NBEAL1: variants seen among roughly 807,000 people sequenced by gnomAD.
NBEAL1 encodes neurobeachin-like protein 1.
NBEAL1 carries 273 observed loss-of-function variants against 351.3 expected under a neutral mutation model. The observed-to-expected ratio is 0.78, with a 90% CI of 0.70 to 0.86. The LOEUF is 0.86. Ranked by LOEUF, NBEAL1 falls within the 40% of genes least tolerant of loss-of-function variation. The pLI, the probability that NBEAL1 is intolerant of heterozygous loss-of-function variation, is 0.00. For synonymous variants in NBEAL1, 1,050 were observed against 1,086.4 expected (o/e 0.97, Z 0.66); for missense variants, 2,961 against 3,201.3 (o/e 0.92, Z 1.81).
rs763442033 is a variant in NBEAL1, at chr2:203,056,498, A to G, written c.377A>G (p.Tyr126Cys). Reference sequence around the variant, plus strand: ...TATGTCATCACCATGACAACACTCTATATTCAGCAAGTAGGTGTGAACTAA... The same window carrying G: ...TATGTCATCACCATGACAACACTCTGTATTCAGCAAGTAGGTGTGAACTAA... ...INYVITMTTL[Y>C]IQQLKSKKKE... The change falls in exon 5 of 56, where the codon TAT (tyrosine) becomes TGT (cysteine). Residue 126 changes from tyrosine (Y) to cysteine (C), a missense_variant. Tyr to Cys is a radical substitution (Grantham distance 194). Coordinates refer to ENST00000683969, the MANE Select transcript of NBEAL1 (RefSeq NM_001378026.1). 2 of 1,531,008 alleles carry G rather than the reference A, an allele frequency of 1.3e-6. No individual in the cohort carries two copies. The highest frequency in any genetic ancestry group is 2.7e-5 in the African/African-American group (2 of 73,106). The allele number at this position is 1,531,008 out of a possible 1,614,324, so 94.8% of individuals were successfully genotyped here. A position where few individuals can be genotyped will look rare whatever the true frequency, so the allele number is the denominator to read the frequency against.
Position 203,125,973 on chromosome 2 carries a change from G to A in NBEAL1, c.2865G>A (p.Glu955=), listed in dbSNP as rs748649910. The part of the protein sequence containing the change: ...TSTKASESRL[E]RNLVATFILI... ...CTGATTCTACAGAGTCAAGACTAGA[G>A]AGAAACCTAGTTGCAACATTTATCT... Residue 955 remains glutamate, a synonymous_variant, in exon 21 of 56, where the codon GAG becomes GAA. Coordinates refer to ENST00000683969, the MANE Select transcript of NBEAL1 (RefSeq NM_001378026.1). 1 of 1,534,412 alleles carries A rather than the reference G, an allele frequency of 6.5e-7. No homozygotes were observed. The highest frequency in any genetic ancestry group is 2.5e-5 in the East Asian group (1 of 40,238).
At chr2:203,126,986 G>C (rs200276941) in intron 23 of NBEAL1, 60 bp downstream of exon 23, 24 of 1,171,664 alleles carry the variant, frequency 2.0e-5, no homozygotes, top group Non-Finnish European at 2.7e-5. Context: ...TACTTGATTG[G>C]AATGTGTAGA....
At chr2:203,174,781 C>G (rs2064441277) in intron 41 of NBEAL1, among the ~76,000 whole-genome samples, 1 of 151,492 alleles carries the variant, frequency 6.6e-6, no homozygotes, top group Non-Finnish European at 1.5e-5. Context: ...GTCCCAGCTA[C>G]TTGGGAGGCT....
intron 14 of NBEAL1, among the ~76,000 whole-genome samples, chr2:203,108,565 AT>A (rs1204619194): frequency 3.3e-5 from 5 of 151,306 alleles, no homozygotes; most frequent in African/African-American, 9.7e-5. Context: ...CGCCCAGCTA[AT>A]TTTTTGTATT....
At chr2:203,209,713 A>ATGTGTGTGTGTGTGTGTGTGTGTG (rs56169732) in intron 53 of NBEAL1, among the ~76,000 whole-genome samples, 31 of 138,682 alleles carry the variant, frequency 2.2e-4, no homozygotes, top group African/African-American at 8.0e-4. Flanking sequence ...TTTAATTAAT[A>ATGTGTGTGTGTGTGTGTGTGTGTG]TGTGTGTGTG....
chr2:203,119,836 G>A (rs969651912), intron 18 of NBEAL1, among the ~76,000 whole-genome samples: 3 of 152,110 alleles, frequency 2.0e-5, no homozygotes, highest in African/African-American at 2.4e-5. Context: ...AGCTATTTGA[G>A]CATAGAACAT....
intron 2 of NBEAL1, among the ~76,000 whole-genome samples, chr2:203,017,314 A>G (rs947243875): frequency 2.0e-5 from 3 of 152,160 alleles, no homozygotes; most frequent in African/African-American, 7.2e-5. Context: ...TTATCCTTTC[A>G]TGCTCCTTAA....
intron 2 of NBEAL1, among the ~76,000 whole-genome samples, 175 bp from the exon 3 acceptor site, chr2:203,041,590 G>A (rs2061141996): frequency 6.6e-6 from 1 of 152,148 alleles, no homozygotes; most frequent in Admixed American, 6.5e-5. Context: ...GACATGAGAA[G>A]CCATTTGAGA....
rs528640653 is a variant in NBEAL1, at chr2:203,145,524, G to A, written c.5304+364G>A. On this transcript the variant is annotated intron_variant, in intron 33 of 55. Transcript: ENST00000683969. ...TAAGAAACTAGAGAAATGGCCGGGC[G>A]AGGTGGCTCACACGTGTAATCCCCA... is the stretch of plus-strand genomic sequence containing the variant. Among the ~76,000 whole-genome samples, 23 of 152,234 alleles carry A rather than the reference G, an allele frequency of 1.5e-4. No homozygotes were observed. In the South Asian group the frequency reaches 3.7e-3, roughly 25 times the overall value.
chr2:203,087,060 C>A (rs1216958184), intron 10 of NBEAL1, among the ~76,000 whole-genome samples: 1 of 149,458 alleles, frequency 6.7e-6, no homozygotes, highest in Non-Finnish European at 1.5e-5. Context: ...CAGATTATGG[C>A]AACATTTACT....
intron 17 of NBEAL1, 84 bp from the exon 18 acceptor site, chr2:203,115,901 A>T: frequency 1.2e-6 from 1 of 866,628 alleles, no homozygotes; most frequent in Non-Finnish European, 1.8e-6. Context: ...GAAACAGCTT[A>T]ATTTTAAATT....
At chr2:203,131,479 G>A (rs2063071377) in intron 25 of NBEAL1, among the ~76,000 whole-genome samples, 1 of 152,196 alleles carries the variant, frequency 6.6e-6, no homozygotes, top group Non-Finnish European at 1.5e-5. Flanking sequence ...GCCTCGCTAA[G>A]TGCTGGGATT....
intron 38 of NBEAL1, among the ~76,000 whole-genome samples, chr2:203,167,868 A>G (rs1346326742): frequency 6.6e-6 from 1 of 152,176 alleles, no homozygotes; most frequent in Non-Finnish European, 1.5e-5. Context: ...ACTTGAGGTC[A>G]GACAGGTATT....
At chr2:203,021,190 C>A (rs937538819) in intron 2 of NBEAL1, among the ~76,000 whole-genome samples, 1 of 151,756 alleles carries the variant, frequency 6.6e-6, no homozygotes, top group Admixed American at 6.6e-5. Flanking sequence ...CCATGTTGGC[C>A]GGGCTGGTCT....
chr2:203,090,491 T>C (rs2062042391), intron 10 of NBEAL1, among the ~76,000 whole-genome samples: 1 of 152,096 alleles, frequency 6.6e-6, no homozygotes, highest in African/African-American at 2.4e-5. Flanking sequence ...TATTTTTTCA[T>C]TATGAAAATG....
intron 18 of NBEAL1, among the ~76,000 whole-genome samples, chr2:203,118,204 T>G (rs2062743250): frequency 6.6e-6 from 1 of 152,220 alleles, no homozygotes; most frequent in Admixed American, 6.5e-5. Flanking sequence ...GAAAACGAAT[T>G]GACATAACTA....
intron 2 of NBEAL1, among the ~76,000 whole-genome samples, chr2:203,026,252 A>G (rs1397697978): frequency 6.6e-6 from 1 of 152,030 alleles, no homozygotes; most frequent in Non-Finnish European, 1.5e-5. Flanking sequence ...GATCAGTGTA[A>G]TTTATAATGT....
chr2:203,183,302 A>T lies in NBEAL1; in HGVS notation c.6619A>T (p.Ile2207Phe). 6.3e-7 allele frequency: 1 copy of T among 1,590,180 alleles called. No individual in the cohort carries two copies. The highest frequency in any genetic ancestry group is 8.6e-7 in the Non-Finnish European group (1 of 1,168,774). The change falls in exon 44 of 56, where the codon ATT (isoleucine) becomes TTT (phenylalanine). Residue 2207 changes from isoleucine (I) to phenylalanine (F), a missense_variant. Ile to Phe is a conservative substitution (Grantham distance 21). Coordinates refer to ENST00000683969, the MANE Select transcript of NBEAL1 (RefSeq NM_001378026.1). Reference protein sequence around the residue: ...QNQFNLGRLQISKELVNDVIL... With the variant: ...QNQFNLGRLQFSKELVNDVIL... ...AGAATTTAACTTGGGTCGTCTACAG[A>T]TTTCCAAAGAATTAGTAAATGATGT...
Position 203,113,288 on chromosome 2 carries a change from C to T in NBEAL1, c.2476C>T (p.Pro826Ser). 1 of 1,446,150 alleles carries T rather than the reference C, an allele frequency of 6.9e-7. No homozygotes were observed. Among genetic ancestry groups the T allele is most frequent in the Non-Finnish European group, 9.1e-7 (1 of 1,096,938 alleles). 89.6% of individuals were successfully genotyped at this position (1,446,150 alleles called of 1,614,324 possible). The change falls in exon 17 of 56, where the codon CCT (proline) becomes TCT (serine). Residue 826 changes from proline (P) to serine (S), a missense_variant. Coordinates refer to ENST00000683969, the MANE Select transcript of NBEAL1 (RefSeq NM_001378026.1). ...TATCATCTTTTATGAACCACTACAA[C>T]CTCCTCAGGTGAAGGCATTATATTT... ...SVIIFYEPLQ[P>S]PQVKALYLAG... is the part of the protein sequence containing the mutation.
Sources: allele counts gnomAD v4.1 joint callset (sites outside exome capture counted in the v4.1 genomes callset), GRCh38; gene constraint gnomAD v4.1.1; transcripts MANE v1.5; gene names NCBI Gene and HGNC (gene_info 2026-07-23, HGNC 2026-07-21).